ME3: variants seen among roughly 807,000 people sequenced by gnomAD.
The protein encoded by ME3 is NADP-dependent malic enzyme, mitochondrial.
ME3 carries 48 observed loss-of-function variants against 68.9 expected under a neutral mutation model. That is an observed-to-expected ratio of 0.70 (90% CI 0.55 to 0.89). ME3 has a LOEUF of 0.89. Ranked by LOEUF, ME3 falls within the 40% of genes least tolerant of loss-of-function variation. The probability of loss-of-function intolerance (pLI) is 0.00; values close to 1 mark genes in which losing one functional copy is unlikely to be tolerated. For synonymous variants in ME3, 320 were observed against 318.8 expected (o/e 1.00, Z -0.04); for missense variants, 675 against 797.4 (o/e 0.85, Z 1.85).
rs188906102 is a variant in ME3 at position 86,601,330 on chromosome 11, C to T, written c.184-41507G>A. ...TCAGAGGATACTACAAACACCTCTA[C>T]GCAAATAAACTAGAAAAGGTAGAAG... On this transcript the variant is annotated intron_variant, in intron 2 of 14. Transcript: ENST00000543262. Among the ~76,000 whole-genome samples the T allele has an allele frequency of 2.6e-3, 388 of 152,132 alleles. 3 individuals carry two copies. Among genetic ancestry groups the T allele is most frequent in the African/African-American group, 8.1e-3 (337 of 41,518 alleles).
chr11:86,456,617 G>A (rs568277108), intron 8 of ME3, among the ~76,000 whole-genome samples: 60 of 152,254 alleles, frequency 3.9e-4, no homozygotes, highest in African/African-American at 1.4e-3. Context: ...CAGGAGAGGT[G>A]TTATGGGGTT....
rs1468177880 is a variant in ME3 at position 86,656,610 on chromosome 11, A to C, written c.183+15152T>G. ...CCAAGGCCTGTTTTGGGGTGGGGGG[A>C]GGGGGGAGAGATAGCATTAGGAGAT... On this transcript the variant is annotated intron_variant, in intron 2 of 14. Transcript: ENST00000543262. 2.1e-4 allele frequency among the ~76,000 whole-genome samples: 21 copies of C among 100,908 alleles called. No homozygotes were observed. The Admixed American group carries it at 2.2e-3, about 11-fold the overall frequency. The allele number at this position is 100,908 out of a possible 152,430, so 66.2% of individuals were successfully genotyped here. A position where few individuals can be genotyped will look rare whatever the true frequency, so the allele number is the denominator to read the frequency against.
chr11:86,615,023 GT>G (rs5793204), intron 2 of ME3, among the ~76,000 whole-genome samples: 19,954 of 152,068 alleles, frequency 0.13, 1,774 homozygotes, highest in East Asian at 0.39. Flanking sequence ...GAACCAAATC[GT>G]TTTTTTAAAA....
At chr11:86,466,646 T>C (rs1311556756) in intron 7 of ME3, among the ~76,000 whole-genome samples, 11 of 152,244 alleles carry the variant, frequency 7.2e-5, no homozygotes, top group African/African-American at 2.7e-4. Flanking sequence ...TCCAGCCTTA[T>C]AATTTTGTGC....
At chr11:86,544,389 A>G (rs1956237090) in intron 4 of ME3, among the ~76,000 whole-genome samples, 1 of 152,208 alleles carries the variant, frequency 6.6e-6, no homozygotes, top group South Asian at 2.1e-4. Flanking sequence ...AAAGATTAAC[A>G]AAACAGATAC....
In ME3 at chr11:86,480,936, A is replaced by G. The variant is rs118045926; in HGVS notation, c.809+6401T>C. Among the ~76,000 whole-genome samples the G allele has an allele frequency of 6.4e-3, 978 of 152,286 alleles. 2 individuals carry two copies. Among genetic ancestry groups the G allele is most frequent in the Non-Finnish European group, 9.6e-3 (652 of 68,010 alleles). On this transcript the variant is annotated intron_variant, in intron 7 of 14. Coordinates refer to ENST00000543262, the Ensembl canonical transcript of ME3. ...ATAAAACTGTGGAAAGTCTCTGTGT[A>G]TTGGTCCTTACACCCTCACCTTGGG...
intron 2 of ME3, among the ~76,000 whole-genome samples, chr11:86,561,591 A>T (rs1177424745): frequency 6.6e-6 from 1 of 152,216 alleles, no homozygotes; most frequent in African/African-American, 2.4e-5. Flanking sequence ...TCACCTTGCT[A>T]AACTGTGAAT....
intron 2 of ME3, among the ~76,000 whole-genome samples, chr11:86,564,359 T>C (rs1957376614): frequency 6.6e-6 from 1 of 150,536 alleles, no homozygotes; most frequent in African/African-American, 2.4e-5. Flanking sequence ...TTTGCAGAAA[T>C]AGAAAAGCCA....
chr11:86,451,476 A>C (rs1324645952), intron 8 of ME3, among the ~76,000 whole-genome samples: 6 of 152,242 alleles, frequency 3.9e-5, no homozygotes, highest in African/African-American at 1.4e-4. Context: ...CTTATGCATA[A>C]AACAGCCATG....
chr11:86,651,096 G>A (rs1945385534), intron 2 of ME3, among the ~76,000 whole-genome samples: 1 of 152,224 alleles, frequency 6.6e-6, no homozygotes. Flanking sequence ...AAGCAGCTGG[G>A]AAGCTCAAAC....
intron 4 of ME3, among the ~76,000 whole-genome samples, chr11:86,528,131 T>C (rs927060092): frequency 2.6e-5 from 4 of 152,100 alleles, no homozygotes; most frequent in Non-Finnish European, 5.9e-5. Flanking sequence ...CATAGACACA[T>C]ATAGGCTTAA....
intron 2 of ME3, among the ~76,000 whole-genome samples, chr11:86,625,109 T>A (rs1372931705): frequency 6.6e-6 from 1 of 152,172 alleles, no homozygotes; most frequent in East Asian, 1.9e-4. Context: ...TTTAGTATTC[T>A]CATTATAAAA....
intron 2 of ME3, among the ~76,000 whole-genome samples, chr11:86,669,244 CCT>C (rs1565304533): frequency 6.6e-6 from 1 of 152,232 alleles, no homozygotes; most frequent in Non-Finnish European, 1.5e-5. Context: ...CTGTCAGCCT[CCT>C]TCTAGATACC....
intron 8 of ME3, among the ~76,000 whole-genome samples, chr11:86,457,946 A>G (rs988684114): frequency 2.0e-5 from 3 of 152,188 alleles, no homozygotes; most frequent in Admixed American, 6.5e-5. Flanking sequence ...GCTGAACAAT[A>G]GATTATTGGA....
At chr11:86,462,138 G>A (rs185614099) in intron 8 of ME3, among the ~76,000 whole-genome samples, 2 of 152,298 alleles carry the variant, frequency 1.3e-5, no homozygotes, top group African/African-American at 4.8e-5. Flanking sequence ...TTATATGTGA[G>A]CACAGTCAAT....
chr11:86,568,844 G>T (rs1957625871), intron 2 of ME3, among the ~76,000 whole-genome samples: 1 of 152,138 alleles, frequency 6.6e-6, no homozygotes. Context: ...CCTACTTTGG[G>T]CCAGGACTGT....
At chr11:86,443,692 T>C (rs983042558) in intron 13 of ME3, among the ~76,000 whole-genome samples, 4 of 152,354 alleles carry the variant, frequency 2.6e-5, no homozygotes, top group African/African-American at 7.2e-5. Context: ...GTCTCAGAAG[T>C]GACAAGGCTA....
At chr11:86,655,583 A>T (rs980529346) in intron 2 of ME3, among the ~76,000 whole-genome samples, 1 of 152,126 alleles carries the variant, frequency 6.6e-6, no homozygotes, top group Non-Finnish European at 1.5e-5. Context: ...CTTATACCTT[A>T]TACAAAAATT....
chr11:86,536,717 A>T (rs1955687944), intron 4 of ME3, among the ~76,000 whole-genome samples: 1 of 149,538 alleles, frequency 6.7e-6, no homozygotes. Flanking sequence ...CCATTGTGGA[A>T]GTCAGTGTGG....
Sources: allele counts gnomAD v4.1 joint callset (sites outside exome capture counted in the v4.1 genomes callset), GRCh38; gene constraint gnomAD v4.1.1; transcripts MANE v1.5; gene names NCBI Gene and HGNC (gene_info 2026-07-23, HGNC 2026-07-21).